SLC22A24: variants seen among roughly 807,000 people sequenced by gnomAD.
SLC22A24 encodes the protein solute carrier family 22 member 24, also known as steroid transmembrane transporter SLC22A24.
A neutral mutation model predicts 49.8 loss-of-function variants in SLC22A24; 53 were observed. That is an observed-to-expected ratio of 1.06 (90% CI 0.85 to 1.34). SLC22A24 has a LOEUF of 1.34. Among genes scored for constraint, SLC22A24 ranks in the 40% most tolerant of loss-of-function variants. The pLI, the probability that SLC22A24 is intolerant of heterozygous loss-of-function variation, is 0.00. For synonymous variants in SLC22A24, 302 were observed against 256.4 expected, an observed-to-expected ratio of 1.18 and a Z score of -1.70; for missense variants, 786 against 675.9, an observed-to-expected ratio of 1.16 and a Z score of -1.81.
At chr11:63,087,045 C>CACAA (rs2086991505) in intron 6 of SLC22A24, among the ~76,000 whole-genome samples, 3 of 111,488 alleles carry the variant, frequency 2.7e-5, no homozygotes, top group Non-Finnish European at 5.5e-5. Context: ...CACACACACA[C>CACAA]ACACACACAC....
chr11:63,085,349 C>T (rs1193752831), intron 6 of SLC22A24, among the ~76,000 whole-genome samples: 1 of 152,076 alleles, frequency 6.6e-6, no homozygotes, highest in African/African-American at 2.4e-5. Flanking sequence ...AGAAGGCCTC[C>T]ATTATCTTGG....
At chr11:63,092,124 C>T (rs1230217638) in intron 6 of SLC22A24, among the ~76,000 whole-genome samples, 5 of 151,948 alleles carry the variant, frequency 3.3e-5, no homozygotes, top group Non-Finnish European at 7.4e-5. Flanking sequence ...CAGCAGAGAG[C>T]CAAATCCTGA....
At chr11:63,142,888 G>T (rs57753400) in intron 1 of SLC22A24, among the ~76,000 whole-genome samples, 1 of 152,024 alleles carries the variant, frequency 6.6e-6, no homozygotes, top group South Asian at 2.1e-4. Flanking sequence ...ACTAATTTGA[G>T]TAGTAATAAA....
chr11:63,085,744 G>A (rs2086983607), intron 6 of SLC22A24, among the ~76,000 whole-genome samples: 1 of 152,174 alleles, frequency 6.6e-6, no homozygotes, highest in South Asian at 2.1e-4. Flanking sequence ...TAGACATCAG[G>A]AGGTCATGAC....
chr11:63,088,615 G>A lies in SLC22A24; in HGVS notation c.1071-5158C>T, dbSNP rs572261732. Among the ~76,000 whole-genome samples, 8 of 152,122 alleles carry A rather than the reference G, an allele frequency of 5.3e-5. No individual in the cohort carries two copies. The East Asian group carries it at 5.8e-4, about 11-fold the overall frequency. On this transcript the variant is annotated intron_variant, in intron 6 of 9. Transcript: ENST00000612278. ...TGACAGAAGTAGACTTCAGAAGGTG[G>A]GTAATAACTCCTCTGAGCTAAAGGA... is the stretch of plus-strand genomic sequence containing the variant.
At chr11:63,111,828 G>GT (rs1389812290) in intron 4 of SLC22A24, among the ~76,000 whole-genome samples, 2 of 151,942 alleles carry the variant, frequency 1.3e-5, no homozygotes, top group East Asian at 1.9e-4. Context: ...TTTTTGAAGG[G>GT]TTTTTTGTGT....
In SLC22A24 at chr11:63,096,116, C is replaced by T. The variant is rs1180422270; in HGVS notation, c.955-10G>A. 2.7e-6 allele frequency: 4 copies of T among 1,502,850 alleles called. No homozygotes were observed. The African/African-American group carries it at 5.6e-5, about 21-fold the overall frequency. 93.1% of individuals were successfully genotyped at this position (1,502,850 alleles called of 1,614,324 possible). A position where few individuals can be genotyped will look rare whatever the true frequency, so the allele number is the denominator to read the frequency against. On this transcript the variant is annotated splice_polypyrimidine_tract_variant and intron_variant, in intron 5 of 9. Coordinates refer to ENST00000612278, the MANE Select transcript of SLC22A24 (RefSeq NM_001136506.2). ...TGGTGGATCTCACAAGCTTCAGCAACAAAAATAACAACAAGCATTTGTGAG... is the reference window on the plus strand; with the variant it reads ...TGGTGGATCTCACAAGCTTCAGCAATAAAAATAACAACAAGCATTTGTGAG...
chr11:63,081,408 A>G (rs2086959324), intron 8 of SLC22A24, 150 bp downstream of exon 8: 1 of 654,688 alleles, frequency 1.5e-6, no homozygotes, highest in East Asian at 2.7e-5. Context: ...TTTGATAATA[A>G]TAGCACATAT....
At chr11:63,085,440 A>G (rs2086981867) in intron 6 of SLC22A24, among the ~76,000 whole-genome samples, 1 of 152,142 alleles carries the variant, frequency 6.6e-6, no homozygotes, top group Admixed American at 6.5e-5. Flanking sequence ...GCCTTAAATA[A>G]TCAATAGTAC....
chr11:63,104,415 C>A (rs887225062), intron 4 of SLC22A24, 117 bp from the exon 5 acceptor site: 2 of 1,172,622 alleles, frequency 1.7e-6, no homozygotes, highest in Non-Finnish European at 2.3e-6. Context: ...ATAGTAGAGT[C>A]ATTTCTGACC....
rs568228271 is a variant in SLC22A24 at position 63,133,548 on chromosome 11, A to G, written c.506+1117T>C. Among the ~76,000 whole-genome samples the G allele has an allele frequency of 2.0e-5, 3 of 152,328 alleles. No homozygotes were observed. In the East Asian group the frequency reaches 5.8e-4, roughly 29 times the overall value. On this transcript the variant is annotated intron_variant, in intron 2 of 9. Coordinates refer to ENST00000612278, the MANE Select transcript of SLC22A24 (RefSeq NM_001136506.2). ...TGGGTGACATGCTTCAGTGACAGCC[A>G]TGGTTGAGTGCCTCCTTCAGAAGGA...
chr11:63,094,068 G>A (rs904943175), intron 6 of SLC22A24, among the ~76,000 whole-genome samples: 2 of 151,646 alleles, frequency 1.3e-5, no homozygotes, highest in East Asian at 1.9e-4. Context: ...GTATACATGT[G>A]CCATGTTGGT....
chr11:63,112,056 G>T (rs1030051633), intron 4 of SLC22A24, among the ~76,000 whole-genome samples: 13 of 151,952 alleles, frequency 8.6e-5, no homozygotes, highest in African/African-American at 2.9e-4. Flanking sequence ...TGTGTCTTTG[G>T]TCTCGTTGGT....
chr11:63,131,317 A>AT lies in SLC22A24; in HGVS notation c.506+3347dup, dbSNP rs563098562. On this transcript the variant is annotated intron_variant, in intron 2 of 9. Coordinates refer to ENST00000612278, the MANE Select transcript of SLC22A24 (RefSeq NM_001136506.2). ...TATTATGTTTGAATTCGAGCCTGTCATTATGATGTTAGCTGGTTATTTTGC... is the reference window on the plus strand; with the variant it reads ...TATTATGTTTGAATTCGAGCCTGTCATTTATGATGTTAGCTGGTTATTTTGC... 1.1e-4 allele frequency among the ~76,000 whole-genome samples: 16 copies of AT among 152,262 alleles called. No homozygotes were observed. In the East Asian group the frequency reaches 2.9e-3, roughly 28 times the overall value.
intron 2 of SLC22A24, among the ~76,000 whole-genome samples, chr11:63,125,196 T>A (rs1309958007): frequency 6.6e-6 from 1 of 152,180 alleles, no homozygotes; most frequent in Non-Finnish European, 1.5e-5. Flanking sequence ...CTGAGGTACC[T>A]GTGCAGAATG....
At chr11:63,131,206 G>A (rs762199063) in intron 2 of SLC22A24, among the ~76,000 whole-genome samples, 26 of 151,896 alleles carry the variant, frequency 1.7e-4, no homozygotes, top group Non-Finnish European at 3.2e-4. Flanking sequence ...ATAGCACACC[G>A]ATAAAGAGTC....
chr11:63,140,738 A>T (rs2087409799), intron 1 of SLC22A24, among the ~76,000 whole-genome samples: 1 of 152,206 alleles, frequency 6.6e-6, no homozygotes, highest in African/African-American at 2.4e-5. Context: ...AGATTACTGG[A>T]GAAACAGTTT....
chr11:63,093,052 A>C (rs1018836856), intron 6 of SLC22A24, among the ~76,000 whole-genome samples: 7 of 152,220 alleles, frequency 4.6e-5, no homozygotes, highest in African/African-American at 1.7e-4. Flanking sequence ...ACATTTCTCA[A>C]AAGAAGACAT....
At chr11:63,136,272 G>A (rs1455353070) in intron 1 of SLC22A24, among the ~76,000 whole-genome samples, 1 of 152,174 alleles carries the variant, frequency 6.6e-6, no homozygotes, top group Non-Finnish European at 1.5e-5. Flanking sequence ...TCACTGTTTG[G>A]TTGTCTGTCG....
Sources: allele counts gnomAD v4.1 joint callset (sites outside exome capture counted in the v4.1 genomes callset), GRCh38; gene constraint gnomAD v4.1.1; transcripts MANE v1.5; gene names NCBI Gene and HGNC (gene_info 2026-07-23, HGNC 2026-07-21).